Variants in GATAD2B observed in about 807,000 individuals in gnomAD.
GATAD2B encodes the protein transcriptional repressor p66-beta.
Under a neutral mutation model 64.3 loss-of-function variants are expected in GATAD2B, and 8 were observed. That is an observed-to-expected ratio of 0.12 (90% CI 0.07 to 0.22). The LOEUF (loss-of-function observed/expected upper bound fraction) is 0.22. GATAD2B is among the 10% of genes least tolerant of loss of function. The pLI, the probability that GATAD2B is intolerant of heterozygous loss-of-function variation, is 1.00. For missense variants in GATAD2B, 453 were observed against 752.0 expected (o/e 0.60, Z 4.65); for synonymous variants, 281 against 271.3 (o/e 1.04, Z -0.35).
At chr1:153,823,950 G>C (rs930397596) in intron 2 of GATAD2B, among the ~76,000 whole-genome samples, 18 of 150,212 alleles carry the variant, frequency 1.2e-4, no homozygotes, top group Admixed American at 4.0e-4. Flanking sequence ...GGCTGGTCTC[G>C]AACTCCTGAC....
intron 1 of GATAD2B, among the ~76,000 whole-genome samples, chr1:153,860,473 T>G (rs1676243553): frequency 1.3e-5 from 2 of 151,952 alleles, no homozygotes. Flanking sequence ...GAGCTAGGAC[T>G]ACAGGTGCGT....
intron 1 of GATAD2B, chr1:153,889,667 A>G: frequency 1.2e-6 from 1 of 826,868 alleles, no homozygotes; most frequent in Non-Finnish European, 1.5e-6. Context: ...TCAAATTTAA[A>G]ATACACTCAC....
At chr1:153,859,562 C>T (rs550707166) in intron 1 of GATAD2B, among the ~76,000 whole-genome samples, 3 of 150,606 alleles carry the variant, frequency 2.0e-5, no homozygotes, top group Admixed American at 1.3e-4. Flanking sequence ...CCCAGCTGCT[C>T]GGGAGGCTGA....
intron 1 of GATAD2B, chr1:153,852,756 C>T (rs552393741): frequency 2.8e-4 from 255 of 923,718 alleles, no homozygotes; most frequent in Non-Finnish European, 4.2e-4. Context: ...GCTTGGTAGA[C>T]AGGGATCCCA....
At chr1:153,883,116 C>G (rs1173765651) in intron 1 of GATAD2B, among the ~76,000 whole-genome samples, 2 of 152,174 alleles carry the variant, frequency 1.3e-5, no homozygotes, top group Non-Finnish European at 2.9e-5. Context: ...ATTTGGACCT[C>G]TGAAATTCAC....
chr1:153,909,947 C>CA (rs34780134), intron 1 of GATAD2B, among the ~76,000 whole-genome samples: 29,769 of 100,878 alleles, frequency 0.3, 4,282 homozygotes, highest in Admixed American at 0.4. Flanking sequence ...GACTCCATCT[C>CA]AAAAAAAAAA....
At chr1:153,885,311 A>G (rs114873580) in intron 1 of GATAD2B, among the ~76,000 whole-genome samples, 107 of 152,250 alleles carry the variant, frequency 7.0e-4, no homozygotes, top group Non-Finnish European at 1.3e-3. Flanking sequence ...AAAAACACAT[A>G]AAGTCTCTGA....
chr1:153,816,364 G>A lies in GATAD2B; in HGVS notation c.1125C>T (p.Pro375=), dbSNP rs1674482319. The change falls in exon 7 of 11, where the codon CCC becomes CCT. Residue 375 remains proline (P), a synonymous_variant. Coordinates refer to ENST00000368655, the MANE Select transcript of GATAD2B (RefSeq NM_020699.4). The surrounding 1 kb of genome is among the most constrained non-coding windows in gnomAD (Gnocchi z 4.9). ...LEIPPPKPPA[P]LLHFLPSAAN... is the part of the protein sequence containing the mutation. Reference sequence around the variant, plus strand: ...CTGCACTAGGCAAGAAATGAAGTAAGGGAGCAGGAGGTTTAGGGGGTGGGA... The same window carrying A: ...CTGCACTAGGCAAGAAATGAAGTAAAGGAGCAGGAGGTTTAGGGGGTGGGA... 5.6e-6 allele frequency: 9 copies of A among 1,613,758 alleles called. No individual in the cohort carries two copies. In the African/African-American group the frequency reaches 1.1e-4, roughly 19 times the overall value.
At chr1:153,817,321 GCAAA>G (rs1257141066) in intron 6 of GATAD2B, 47 bp downstream of exon 6, 2 of 1,442,680 alleles carry the variant, frequency 1.4e-6, no homozygotes, top group African/African-American at 2.9e-5. Context: ...GACAAGCAAA[GCAAA>G]CAAAGGGATT....
chr1:153,912,015 C>A (rs1048989761), intron 1 of GATAD2B, among the ~76,000 whole-genome samples: 1 of 152,058 alleles, frequency 6.6e-6, no homozygotes, highest in Non-Finnish European at 1.5e-5. Context: ...CAAGTATTCG[C>A]GGAGCCAGAA....
intron 1 of GATAD2B, among the ~76,000 whole-genome samples, chr1:153,872,316 CAA>C (rs779386978): frequency 1.3e-3 from 77 of 58,728 alleles, no homozygotes; most frequent in Non-Finnish European, 2.0e-3. Context: ...ACTCTGTCTC[CAA>C]AAAAAAAAAA....
At chr1:153,877,434 A>C (rs1003225734) in intron 1 of GATAD2B, among the ~76,000 whole-genome samples, 3 of 152,206 alleles carry the variant, frequency 2.0e-5, no homozygotes, top group Admixed American at 1.3e-4. Context: ...CCAAAACAGC[A>C]ATTAAGGCCT....
intron 1 of GATAD2B, chr1:153,851,958 T>C (rs1675911752): frequency 3.5e-6 from 1 of 286,796 alleles, no homozygotes; most frequent in South Asian, 1.1e-4. Flanking sequence ...AAGCTCTTAA[T>C]CCAGCTGGAA....
intron 1 of GATAD2B, among the ~76,000 whole-genome samples, chr1:153,873,065 G>A (rs551662717): frequency 1.8e-4 from 28 of 151,944 alleles, no homozygotes; most frequent in South Asian, 4.1e-4. Context: ...TTACCCTAAC[G>A]TTTTAATCAG....
At position 153,810,381 on chromosome 1, in the gene GATAD2B, C is replaced by T. The variant is rs1674253617; in HGVS notation, c.1649-71G>A. The T allele has an allele frequency of 1.4e-5, 21 of 1,512,222 alleles. No individual in the cohort carries two copies. The South Asian group carries it at 2.1e-4, about 15-fold the overall frequency. The allele number at this position is 1,512,222 out of a possible 1,614,324, so 93.7% of individuals were successfully genotyped here. Reference sequence around the variant, plus strand: ...ATAACATTCCCTTCCACTCTACCCTCGGGCTGCAGAGTTGGAGATGGAAAG... The same window carrying T: ...ATAACATTCCCTTCCACTCTACCCTTGGGCTGCAGAGTTGGAGATGGAAAG... On this transcript the variant is annotated intron_variant, in intron 10 of 10. Transcript: ENST00000368655.
At chr1:153,872,528 C>T (rs1676703704) in intron 1 of GATAD2B, among the ~76,000 whole-genome samples, 1 of 149,790 alleles carries the variant, frequency 6.7e-6, no homozygotes, top group South Asian at 2.1e-4. Flanking sequence ...GCAGCTCTTT[C>T]GAAGGTTGAC....
intron 1 of GATAD2B, among the ~76,000 whole-genome samples, chr1:153,849,626 A>G (rs184419566): frequency 2.6e-5 from 4 of 152,098 alleles, no homozygotes; most frequent in Non-Finnish European, 1.5e-5. Context: ...TATATTTTAA[A>G]TTTGACCTTG....
In GATAD2B at chr1:153,819,575, C is replaced by T. The variant is rs1473562537; in HGVS notation, c.465+31G>A. The T allele has an allele frequency of 5.3e-6, 8 of 1,498,160 alleles. No individual in the cohort carries two copies. In the African/African-American group the frequency reaches 9.8e-5, roughly 18 times the overall value. The allele number at this position is 1,498,160 out of a possible 1,614,324, so 92.8% of individuals were successfully genotyped here. A position where few individuals can be genotyped will look rare whatever the true frequency, so the allele number is the denominator to read the frequency against. ...ATTAAATAAAATAGAAGGAGCATAA[C>T]AAGAAGAAAGAAATTTTTCTTTCTT... is the stretch of plus-strand genomic sequence containing the variant. On this transcript the variant is annotated intron_variant, in intron 3 of 10. Transcript: ENST00000368655.
chr1:153,851,106 A>G (rs1474901717), intron 1 of GATAD2B, among the ~76,000 whole-genome samples: 4 of 151,504 alleles, frequency 2.6e-5, no homozygotes, highest in African/African-American at 9.7e-5. Flanking sequence ...CAACTCCCCA[A>G]TTTCTCCTCC....
Sources: allele counts gnomAD v4.1 joint callset (sites outside exome capture counted in the v4.1 genomes callset), GRCh38; gene constraint gnomAD v4.1.1; non-coding constraint Gnocchi (gnomAD v3.1); transcripts MANE v1.5; gene names NCBI Gene and HGNC (gene_info 2026-07-23, HGNC 2026-07-21).